Variants in SLC17A5 observed in about 807,000 individuals in gnomAD.
SLC17A5 encodes the protein solute carrier family 17 member 5.
Under a neutral mutation model 59.4 loss-of-function variants are expected in SLC17A5, and 47 were observed. That is an observed-to-expected ratio of 0.79 (90% CI 0.63 to 1.01). The LOEUF (loss-of-function observed/expected upper bound fraction) is 1.01, where lower values mean the gene tolerates loss of function less well. SLC17A5 is among the 50% of genes least tolerant of loss of function. SLC17A5 has a pLI of 0.00. For synonymous variants in SLC17A5, 202 were observed against 210.7 expected (o/e 0.96, Z 0.36); for missense variants, 522 against 595.5 (o/e 0.88, Z 1.28).
chr6:73,638,050 C>CCTTTTTTTTT (rs1489499377), intron 4 of SLC17A5, among the ~76,000 whole-genome samples: 1 of 151,482 alleles, frequency 6.6e-6, no homozygotes, highest in Non-Finnish European at 1.5e-5. Flanking sequence ...TAGCTACTGG[C>CCTTTTTTTTT]CTTTTTTTTT....
chr6:73,618,190 C>T (rs1767960106), intron 7 of SLC17A5, among the ~76,000 whole-genome samples: 2 of 151,126 alleles, frequency 1.3e-5, no homozygotes. Flanking sequence ...GGTCGTACCA[C>T]TGAACTCTAG....
chr6:73,642,769 A>G (rs117285222), intron 2 of SLC17A5, among the ~76,000 whole-genome samples: 2,108 of 152,340 alleles, frequency 0.014, 22 homozygotes, highest in Non-Finnish European at 0.022. Context: ...TCTACTGCTG[A>G]TATAAGGCAG....
intron 7 of SLC17A5, among the ~76,000 whole-genome samples, chr6:73,618,856 C>T (rs374329738): frequency 6.6e-6 from 1 of 152,070 alleles, no homozygotes; most frequent in African/African-American, 2.4e-5. Flanking sequence ...TCCCGAGGTG[C>T]TGGGATTACA....
At chr6:73,646,624 C>T (rs905584238) in intron 1 of SLC17A5, among the ~76,000 whole-genome samples, 2 of 151,966 alleles carry the variant, frequency 1.3e-5, no homozygotes, top group South Asian at 2.1e-4. Context: ...CAGTTAATGA[C>T]GGTTTGGATA....
intron 4 of SLC17A5, among the ~76,000 whole-genome samples, chr6:73,637,566 T>C (rs1043481538): frequency 2.0e-5 from 3 of 152,198 alleles, no homozygotes; most frequent in Non-Finnish European, 4.4e-5. Context: ...TCTTATCTCT[T>C]TCTCTAACCT....
intron 6 of SLC17A5, among the ~76,000 whole-genome samples, chr6:73,634,904 T>C (rs1297154260): frequency 6.6e-6 from 1 of 152,160 alleles, no homozygotes; most frequent in Non-Finnish European, 1.5e-5. Context: ...CTTTCATGAA[T>C]AACACATTTT....
intron 5 of SLC17A5, among the ~76,000 whole-genome samples, chr6:73,635,920 G>A (rs1443671434): frequency 1.3e-5 from 2 of 151,728 alleles, no homozygotes. Flanking sequence ...TTTGTATTTT[G>A]AGTAGAGATG....
intron 8 of SLC17A5, among the ~76,000 whole-genome samples, chr6:73,611,028 A>C (rs1767618172): frequency 6.6e-6 from 1 of 152,136 alleles, no homozygotes; most frequent in Non-Finnish European, 1.5e-5. Context: ...GAATCACTTG[A>C]GGCCAGGAGT....
At chr6:73,598,899 G>T (rs940954168) in intron 10 of SLC17A5, among the ~76,000 whole-genome samples, 2 of 152,034 alleles carry the variant, frequency 1.3e-5, no homozygotes, top group African/African-American at 4.8e-5. Context: ...CAGGAAAATC[G>T]CCGGAACCCG....
chr6:73,641,722 A>G lies in SLC17A5; in HGVS notation c.494T>C (p.Ile165Thr), dbSNP rs767100319. 8 of 1,613,968 alleles carry G rather than the reference A, an allele frequency of 5.0e-6. No individual in the cohort carries two copies. The Admixed American group carries it at 1.2e-4, about 24-fold the overall frequency. Residue 165 changes from isoleucine (I) to threonine (T), a missense_variant, in exon 3 of 11, where the codon ATT becomes ACT. By Grantham distance (89) the Ile-to-Thr change is moderately conservative (BLOSUM62 -1). Coordinates refer to ENST00000355773, the MANE Select transcript of SLC17A5 (RefSeq NM_012434.5). ...TAGTCCTTCTAGTGCTCTGAGTACAATGAGTGGTCCAACTCCTAAATCTGC... is the reference window on the plus strand; with the variant it reads ...TAGTCCTTCTAGTGCTCTGAGTACAGTGAGTGGTCCAACTCCTAAATCTGC... ...IAADLGVGPL[I>T]VLRALEGLGE...
intron 7 of SLC17A5, among the ~76,000 whole-genome samples, chr6:73,615,755 T>C (rs1767824892): frequency 6.6e-6 from 1 of 152,044 alleles, no homozygotes; most frequent in African/African-American, 2.4e-5. Flanking sequence ...CCTGTTAGCC[T>C]ATGGATTCTC....
intron 6 of SLC17A5, among the ~76,000 whole-genome samples, chr6:73,628,424 A>G (rs926338874): frequency 6.6e-6 from 1 of 152,114 alleles, no homozygotes. Context: ...ATAAACAATT[A>G]GCCGGGAATG....
At chr6:73,635,742 CTTT>C (rs34409077) in intron 5 of SLC17A5, among the ~76,000 whole-genome samples, 4 of 142,350 alleles carry the variant, frequency 2.8e-5, no homozygotes, top group Admixed American at 7.1e-5. Context: ...AAGAAAACAA[CTTT>C]TTTTTTTTTT....
At chr6:73,641,281 G>T (rs764188740) in intron 3 of SLC17A5, among the ~76,000 whole-genome samples, 32 of 152,088 alleles carry the variant, frequency 2.1e-4, no homozygotes, top group Non-Finnish European at 4.3e-4. Flanking sequence ...GGTTTCACCT[G>T]TTGGCCAGGC....
intron 7 of SLC17A5, 53 bp downstream of exon 7, chr6:73,621,751 T>C: frequency 5.7e-6 from 8 of 1,391,440 alleles, no homozygotes; most frequent in Middle Eastern, 1.9e-4. Context: ...GAACAAATTC[T>C]GTGTATGGTC....
At chr6:73,612,406 G>A (rs1767673417) in intron 8 of SLC17A5, among the ~76,000 whole-genome samples, 1 of 151,888 alleles carries the variant, frequency 6.6e-6, no homozygotes, top group African/African-American at 2.4e-5. Flanking sequence ...GCCTGCCTCC[G>A]CCTCTGCCTC....
chr6:73,643,972 A>G (rs1164687472), intron 2 of SLC17A5, among the ~76,000 whole-genome samples: 1 of 152,192 alleles, frequency 6.6e-6, no homozygotes, highest in Non-Finnish European at 1.5e-5. Flanking sequence ...TCAGAAAAGA[A>G]TGTCCTAAGA....
chr6:73,653,121 A>G (rs1056019620), intron 1 of SLC17A5: 10 of 985,344 alleles, frequency 1.0e-5, no homozygotes, highest in African/African-American at 1.7e-5. Context: ...AGACTGCCAG[A>G]CGGAAAAAAA....
rs778597700 is a variant in SLC17A5, at chr6:73,653,805, G to T, written c.82C>A (p.Arg28=). 7 of 1,593,488 alleles carry T rather than the reference G, an allele frequency of 4.4e-6. No homozygotes were observed. The highest frequency in any genetic ancestry group is 2.6e-6 in the Non-Finnish European group (3 of 1,171,618). Residue 28 remains arginine (R), a synonymous_variant, in exon 1 of 11, where the codon CGG becomes AGG. Transcript: ENST00000355773. ...CCCCGCCGCTTACCGGCTTCGGCCC[G>T]TGGGGCGCCCGGTAGAAGAGGCGTG... ...DRTPLLPGAP[R]AEAAPVCCSA...
Sources: allele counts gnomAD v4.1 joint callset (sites outside exome capture counted in the v4.1 genomes callset), GRCh38; gene constraint gnomAD v4.1.1; transcripts MANE v1.5; gene names NCBI Gene and HGNC (gene_info 2026-07-23, HGNC 2026-07-21).